Variants in FBN3 observed in about 807,000 individuals in gnomAD.
FBN3 encodes fibrillin 3, also known as fibrillin-3.
In FBN3, 234 loss-of-function variants were observed where a neutral mutation model predicts 330.1. The observed-to-expected ratio is 0.71, with a 90% confidence interval of 0.64 to 0.79. FBN3 has a LOEUF of 0.79. Ranked by LOEUF, FBN3 falls within the 30% of genes least tolerant of loss-of-function variation. The pLI, the probability that FBN3 is intolerant of heterozygous loss-of-function variation, is 0.00. For missense variants in FBN3, 3,606 were observed against 3,886.9 expected, an observed-to-expected ratio of 0.93 and a Z score of 1.92; for synonymous variants, 1,458 against 1,517.3, an observed-to-expected ratio of 0.96 and a Z score of 0.91.
intron 18 of FBN3, among the ~76,000 whole-genome samples, chr19:8,127,168 G>A (rs763498217): frequency 1.9e-4 from 28 of 148,550 alleles, no homozygotes; most frequent in Non-Finnish European, 3.1e-4. Context: ...AGCGATTCTC[G>A]TGCCTCAGCC....
At position 8,129,037 on chromosome 19, in the gene FBN3, T is replaced by A; in HGVS notation, c.2287A>T (p.Ile763Phe). The A allele has an allele frequency of 1.2e-6, 2 of 1,612,930 alleles. No individual in the cohort carries two copies. The highest frequency in any genetic ancestry group is 1.7e-4 in the Middle Eastern group (1 of 5,880). The change falls in exon 18 of 64, where the codon ATC becomes TTC. Residue 763 changes from isoleucine (I) to phenylalanine (F), a missense_variant. Coordinates refer to ENST00000600128, the MANE Select transcript of FBN3 (RefSeq NM_032447.5). This position sits in a 1 kb window ranked among gnomAD's most constrained non-coding sequence, Gnocchi z 4.5. ...GCCCGGGACCCAGTACCTTTGCAGA[T>A]CTCCGTGTCCTGCCAGAAGTGGAAG... is the stretch of plus-strand genomic sequence containing the variant. The part of the protein sequence containing the change: ...PGFHFWQDTE[I>F]CKDVDECLSS...
chr19:8,131,893 A>G lies in FBN3; in HGVS notation c.1715-64T>C. 1.4e-6 allele frequency: 2 copies of G among 1,426,838 alleles called. No homozygotes were observed. Among genetic ancestry groups the G allele is most frequent in the Non-Finnish European group, 1.8e-6 (2 of 1,082,748 alleles). 88.4% of individuals were successfully genotyped at this position (1,426,838 alleles called of 1,614,324 possible). On this transcript the variant is annotated intron_variant, in intron 14 of 63. Coordinates refer to ENST00000600128, the MANE Select transcript of FBN3 (RefSeq NM_032447.5). This position sits in a 1 kb window ranked among gnomAD's most constrained non-coding sequence, Gnocchi z 4.5. ...TGCTCCCTTCCTCTCTCCCCTCCCC[A>G]TCTCCCAACATTTCCATCTTCCCAG...
chr19:8,114,406 C>T (rs968246102), intron 30 of FBN3, among the ~76,000 whole-genome samples: 5 of 151,946 alleles, frequency 3.3e-5, no homozygotes, highest in Non-Finnish European at 5.9e-5. Context: ...TGCGCCACCA[C>T]GCCCAGCTAA....
At chr19:8,090,487 GTT>G (rs34225993) in intron 48 of FBN3, among the ~76,000 whole-genome samples, 1 of 141,456 alleles carries the variant, frequency 7.1e-6, no homozygotes, top group Non-Finnish European at 1.5e-5. Context: ...GGTGGTGGTG[GTT>G]TTTTTTTTTT....
chr19:8,098,794 A>G (rs1047845602), intron 41 of FBN3, among the ~76,000 whole-genome samples: 18 of 151,994 alleles, frequency 1.2e-4, no homozygotes, highest in Admixed American at 3.3e-4. Flanking sequence ...TATAAACAAT[A>G]TAAGTGTCCA....
At chr19:8,072,567 TGA>T (rs1178198819) in intron 62 of FBN3, among the ~76,000 whole-genome samples, 1 of 152,080 alleles carries the variant, frequency 6.6e-6, no homozygotes, top group African/African-American at 2.4e-5. Context: ...TGAATCTCCC[TGA>T]GTGTGCCTGG....
In FBN3 at chr19:8,065,994, C is replaced by T; in HGVS notation, c.8355G>A (p.Trp2785Ter). ...LEVVSHMAGP[W>*]GVQPEGQPGP... is the part of the protein sequence containing the mutation. ...CTGGCTGCCCCTCTGGCTGGACACC[C>T]CAGGGTCCTGCCATGTGGCTCACCA... The change falls in exon 64 of 64, where the codon TGG (tryptophan) becomes TGA (stop). Residue 2785 changes from tryptophan to a stop codon, truncating the protein, a stop_gained. Transcript: ENST00000600128. LOFTEE classifies it low-confidence loss of function (END_TRUNC). The T allele has an allele frequency of 6.2e-7, 1 of 1,612,986 alleles. No homozygotes were observed. Among genetic ancestry groups the T allele is most frequent in the African/African-American group, 1.3e-5 (1 of 75,082 alleles).
At chr19:8,097,712 C>T (rs919560806) in intron 41 of FBN3, among the ~76,000 whole-genome samples, 60 of 152,160 alleles carry the variant, frequency 3.9e-4, no homozygotes, top group African/African-American at 1.3e-3. Context: ...AGCAGGACAG[C>T]GGTATGAGAT....
chr19:8,127,754 C>T (rs545005421), intron 18 of FBN3, among the ~76,000 whole-genome samples: 13 of 152,306 alleles, frequency 8.5e-5, no homozygotes, highest in East Asian at 1.9e-4. Flanking sequence ...GAGGCAGAGG[C>T]GGGTGGATCA....
chr19:8,081,350 G>A lies in FBN3; in HGVS notation c.7336+8C>T. 6.3e-7 allele frequency: 1 copy of A among 1,594,248 alleles called. No individual in the cohort carries two copies. Among genetic ancestry groups the A allele is most frequent in the African/African-American group, 1.3e-5 (1 of 74,758 alleles). Reference sequence around the variant, plus strand: ...GGTGGGAGTGGGGGAGAGTTGAAAGGACATCACCTTTGCAGGTCCTGCCAT... The same window carrying A: ...GGTGGGAGTGGGGGAGAGTTGAAAGAACATCACCTTTGCAGGTCCTGCCAT... On this transcript the variant is annotated splice_region_variant and intron_variant, in intron 58 of 63. Coordinates refer to ENST00000600128, the MANE Select transcript of FBN3 (RefSeq NM_032447.5).
intron 22 of FBN3, among the ~76,000 whole-genome samples, chr19:8,124,465 C>T (rs1409728007): frequency 6.6e-6 from 1 of 151,594 alleles, no homozygotes; most frequent in Admixed American, 6.6e-5. Context: ...AGGCTGATCT[C>T]GAACTCAAGT....
chr19:8,070,466 G>C (rs369977933), intron 63 of FBN3, among the ~76,000 whole-genome samples: 6 of 152,246 alleles, frequency 3.9e-5, no homozygotes, highest in African/African-American at 1.4e-4. Flanking sequence ...AAGAAGCTTC[G>C]ACCTAAATGT....
At position 8,109,839 on chromosome 19, in the gene FBN3, T is replaced by G; in HGVS notation, c.4334-86A>C. The G allele has an allele frequency of 7.2e-7, 1 of 1,393,198 alleles. No homozygotes were observed. The highest frequency in any genetic ancestry group is 9.4e-7 in the Non-Finnish European group (1 of 1,060,450). The allele number at this position is 1,393,198 out of a possible 1,614,324, so 86.3% of individuals were successfully genotyped here. A position where few individuals can be genotyped will look rare whatever the true frequency, so the allele number is the denominator to read the frequency against. On this transcript the variant is annotated intron_variant, in intron 34 of 63. Transcript: ENST00000600128. The surrounding 1 kb of genome is among the most constrained non-coding windows in gnomAD (Gnocchi z 5.2). ...GCTTCATCCTGGGAAGCTACAGCCC[T>G]CGCTCAAGGTCAACTCCTGGGCACC...
Position 8,115,520 on chromosome 19 carries a change from C to A in FBN3, c.3833G>T (p.Cys1278Phe). 6.2e-7 allele frequency: 1 copy of A among 1,613,812 alleles called. No individual in the cohort carries two copies. The highest frequency in any genetic ancestry group is 8.5e-7 in the Non-Finnish European group (1 of 1,179,988). Residue 1278 changes from cysteine (C) to phenylalanine (F), a missense_variant, in exon 30 of 64, where the codon TGC (cysteine) becomes TTC (phenylalanine). Coordinates refer to ENST00000600128, the MANE Select transcript of FBN3 (RefSeq NM_032447.5). ...GYMVRKGATG[C>F]SDVDECEVGG... is the part of the protein sequence containing the mutation. ...ACCGCTGACCGCCGGCTCACCAGAG[C>A]AGCCTGTGGCCCCCTTCCTGACCAT...
intron 30 of FBN3, 40 bp downstream of exon 30, chr19:8,115,475 G>C (rs141237390): frequency 2.5e-6 from 4 of 1,605,880 alleles, no homozygotes; most frequent in African/African-American, 2.7e-5. Context: ...AAATGGCCCC[G>C]GGGAGTCCCC....
In FBN3 at chr19:8,095,316, G is replaced by A. The variant is rs1041150079; in HGVS notation, c.5785+59C>T. On this transcript the variant is annotated intron_variant, in intron 46 of 63. Transcript: ENST00000600128. Reference sequence around the variant, plus strand: ...TATGCTCACCCAGAAGTACCAAACTGTGGTGTACATGGAGCAGGGGCTGGC... The same window carrying A: ...TATGCTCACCCAGAAGTACCAAACTATGGTGTACATGGAGCAGGGGCTGGC... 6 of 1,548,782 alleles carry A rather than the reference G, an allele frequency of 3.9e-6. No individual in the cohort carries two copies. The African/African-American group carries it at 6.8e-5, about 18-fold the overall frequency.
chr19:8,141,631 C>T, intron 8 of FBN3, 86 bp downstream of exon 8: 1 of 1,477,920 alleles, frequency 6.8e-7, no homozygotes. Context: ...CCAGCCTGAC[C>T]CCTCTGCCTT....
At chr19:8,104,982 T>C (rs935902148) in intron 38 of FBN3, among the ~76,000 whole-genome samples, 2 of 151,830 alleles carry the variant, frequency 1.3e-5, no homozygotes, top group Non-Finnish European at 2.9e-5. Context: ...TGAGACAGAG[T>C]CTCACTCTGT....
At chr19:8,143,500 T>TTC (rs1187829253) in intron 6 of FBN3, among the ~76,000 whole-genome samples, 26 of 147,210 alleles carry the variant, frequency 1.8e-4, no homozygotes, top group Non-Finnish European at 2.9e-4. Flanking sequence ...TTCTTTTCTT[T>TTC]TTTTTTTTTT....
Sources: gnomAD v4.1 joint callset for allele counts (sites outside exome capture counted in the v4.1 genomes callset) on GRCh38, gnomAD v4.1.1 for gene constraint, Gnocchi (gnomAD v3.1) non-coding constraint, MANE v1.5 for transcripts, NCBI Gene and HGNC (gene_info 2026-07-23, HGNC 2026-07-21) for gene names.